The following NWD2 variants were observed in gnomAD, a reference collection of about 807,000 sequenced individuals.
The protein encoded by NWD2 is NACHT and WD repeat domain containing 2.
In NWD2, 37 loss-of-function variants were observed where a neutral mutation model predicts 132.7. The observed-to-expected ratio is 0.28, with a 90% CI of 0.21 to 0.37. The LOEUF (loss-of-function observed/expected upper bound fraction) is 0.37, where lower values mean the gene tolerates loss of function less well. Among genes scored for constraint, NWD2 ranks in the 10% least tolerant of loss-of-function variants. NWD2 has a pLI of 1.00. For missense variants in NWD2, 1,592 were observed against 2,122.4 expected (o/e 0.75, Z 4.91); for synonymous variants, 705 against 803.0 (o/e 0.88, Z 2.06).
intron 1 of NWD2, among the ~76,000 whole-genome samples, chr4:37,290,014 C>T (rs1247995128): frequency 6.6e-6 from 1 of 152,162 alleles, no homozygotes; most frequent in East Asian, 1.9e-4. Flanking sequence ...CGCTTCTCTT[C>T]TGGTGGCTTA....
intron 2 of NWD2, among the ~76,000 whole-genome samples, chr4:37,343,230 A>G (rs923064525): frequency 8.5e-5 from 13 of 152,220 alleles, no homozygotes; most frequent in Non-Finnish European, 1.9e-4. Flanking sequence ...AATGGGACAT[A>G]AATACTAAAA....
At chr4:37,274,812 C>A (rs1390094113) in intron 1 of NWD2, among the ~76,000 whole-genome samples, 3 of 152,012 alleles carry the variant, frequency 2.0e-5, no homozygotes, top group Non-Finnish European at 4.4e-5. Flanking sequence ...AACATATAAA[C>A]AGAACCAAAG....
rs570088699 is a variant in NWD2, at chr4:37,365,844, A to G, written c.357+9362A>G. On this transcript the variant is annotated intron_variant, in intron 3 of 6. Coordinates refer to ENST00000309447, the MANE Select transcript of NWD2 (RefSeq NM_001144990.2). ...AAGAAAGCATTTTTTTATGATAAAAAGAATTATGGAGAAAAAGTGGACGGG... is the reference window on the plus strand; with the variant it reads ...AAGAAAGCATTTTTTTATGATAAAAGGAATTATGGAGAAAAAGTGGACGGG... 5.3e-5 allele frequency among the ~76,000 whole-genome samples: 8 copies of G among 152,344 alleles called. 1 individual carries two copies. In the South Asian group the frequency reaches 8.3e-4, roughly 16 times the overall value.
At chr4:37,426,547 A>G (rs1712013346) in intron 3 of NWD2, among the ~76,000 whole-genome samples, 1 of 152,182 alleles carries the variant, frequency 6.6e-6, no homozygotes, top group African/African-American at 2.4e-5. Flanking sequence ...ACTGAAAGAA[A>G]TTATTATTTT....
intron 3 of NWD2, among the ~76,000 whole-genome samples, chr4:37,370,139 A>G (rs1279956050): frequency 6.6e-6 from 1 of 152,212 alleles, no homozygotes; most frequent in Non-Finnish European, 1.5e-5. Context: ...GAGACAACTT[A>G]AATATATTAT....
intron 3 of NWD2, among the ~76,000 whole-genome samples, chr4:37,413,650 T>A (rs1721206354): frequency 6.6e-6 from 1 of 152,204 alleles, no homozygotes; most frequent in Non-Finnish European, 1.5e-5. Context: ...TAAATCATTC[T>A]ACTATAAAGA....
At chr4:37,313,289 A>G (rs989587904) in intron 1 of NWD2, among the ~76,000 whole-genome samples, 1 of 151,090 alleles carries the variant, frequency 6.6e-6, no homozygotes, top group African/African-American at 2.5e-5. Context: ...GCTGTTGATT[A>G]TTGCCACAAT....
At chr4:37,413,549 G>A (rs1721204752) in intron 3 of NWD2, among the ~76,000 whole-genome samples, 1 of 152,190 alleles carries the variant, frequency 6.6e-6, no homozygotes, top group Non-Finnish European at 1.5e-5. Flanking sequence ...CAATCATTGT[G>A]GAAGACAGTG....
At chr4:37,394,813 T>G (rs1442489418) in intron 3 of NWD2, among the ~76,000 whole-genome samples, 56 of 119,582 alleles carry the variant, frequency 4.7e-4, no homozygotes, top group East Asian at 1.2e-3. Context: ...TTTTTTTTTT[T>G]TTTTTTTTTT....
intron 2 of NWD2, among the ~76,000 whole-genome samples, chr4:37,346,395 A>G (rs1296753718): frequency 1.3e-5 from 2 of 152,210 alleles, no homozygotes; most frequent in Non-Finnish European, 2.9e-5. Flanking sequence ...TGCCAGCACT[A>G]TACTGTCTTA....
chr4:37,323,381 A>G (rs1719107457), intron 1 of NWD2, among the ~76,000 whole-genome samples: 1 of 152,200 alleles, frequency 6.6e-6, no homozygotes, highest in African/African-American at 2.4e-5. Flanking sequence ...AAACAGACAA[A>G]GACATGAGCA....
chr4:37,315,980 A>G (rs74550917), intron 1 of NWD2, among the ~76,000 whole-genome samples: 1,617 of 152,002 alleles, frequency 0.011, 22 homozygotes, highest in African/African-American at 0.037. Context: ...TTGTTTTATT[A>G]TTGTCATATA....
chr4:37,329,286 G>A (rs1276336372), intron 2 of NWD2, among the ~76,000 whole-genome samples: 1 of 150,668 alleles, frequency 6.6e-6, no homozygotes, highest in Non-Finnish European at 1.5e-5. Context: ...CTCTTCTGAG[G>A]AGCTTCTAAC....
intron 3 of NWD2, among the ~76,000 whole-genome samples, chr4:37,378,456 C>A (rs1720391241): frequency 6.6e-6 from 1 of 152,132 alleles, no homozygotes; most frequent in African/African-American, 2.4e-5. Context: ...GGATGGTGGA[C>A]CACAATTCCA....
At chr4:37,337,013 A>G (rs1050056256) in intron 2 of NWD2, among the ~76,000 whole-genome samples, 7 of 151,324 alleles carry the variant, frequency 4.6e-5, no homozygotes, top group African/African-American at 1.5e-4. Flanking sequence ...TTTTTCTTCT[A>G]TCTGACTGCT....
intron 2 of NWD2, among the ~76,000 whole-genome samples, chr4:37,348,842 C>A (rs1410636575): frequency 6.6e-6 from 1 of 151,118 alleles, no homozygotes; most frequent in Non-Finnish European, 1.5e-5. Flanking sequence ...TAGTACCCCA[C>A]CCCACAACAG....
intron 1 of NWD2, among the ~76,000 whole-genome samples, chr4:37,284,954 T>C (rs1008930357): frequency 1.3e-5 from 2 of 152,154 alleles, no homozygotes; most frequent in African/African-American, 4.8e-5. Flanking sequence ...CGGTATTTGT[T>C]TTACCCATGA....
intron 1 of NWD2, among the ~76,000 whole-genome samples, chr4:37,300,646 A>G (rs1718595250): frequency 1.3e-5 from 2 of 152,250 alleles, no homozygotes; most frequent in South Asian, 4.1e-4. Flanking sequence ...TTTTGTCATA[A>G]TAAAGCACAA....
At chr4:37,289,275 A>G (rs779327192) in intron 1 of NWD2, among the ~76,000 whole-genome samples, 2 of 152,202 alleles carry the variant, frequency 1.3e-5, no homozygotes, top group Non-Finnish European at 2.9e-5. Flanking sequence ...GGAAATTTTC[A>G]TATAATTTCT....
Sources: allele counts gnomAD v4.1 joint callset (sites outside exome capture counted in the v4.1 genomes callset), GRCh38; gene constraint gnomAD v4.1.1; transcripts MANE v1.5; gene names NCBI Gene and HGNC (gene_info 2026-07-23, HGNC 2026-07-21).